Variants in NAV3 observed in about 807,000 individuals in gnomAD.
The protein encoded by NAV3 is pore membrane and/or filament interacting like protein 1.
A neutral mutation model predicts 244.7 loss-of-function variants in NAV3; 87 were observed. That is an observed-to-expected ratio of 0.36 (90% CI 0.30 to 0.42). The LOEUF is 0.42. NAV3 is among the 20% of genes least tolerant of loss of function. NAV3 has a pLI of 1.00. For synonymous variants in NAV3, 1,126 were observed against 1,042.2 expected (o/e 1.08, Z -1.55); for missense variants, 2,663 against 2,893.3 (o/e 0.92, Z 1.83).
rs572971273 is a variant in NAV3 at position 77,644,288 on chromosome 12, G to A, written c.72+72022G>A. On this transcript the variant is annotated intron_variant, in intron 2 of 8. Transcript: ENST00000550042. ...AGAAGATTTCTTTATGTCCCCTCAT[G>A]TGGTATCTAAGGTGGCAAGAGGAAG... Among the ~76,000 whole-genome samples the A allele has an allele frequency of 3.3e-5, 5 of 152,208 alleles. No individual in the cohort carries two copies. The South Asian group carries it at 1.0e-3, about 32-fold the overall frequency.
At chr12:77,860,082 G>A (rs1033829718) in intron 1 of NAV3, among the ~76,000 whole-genome samples, 13 of 151,878 alleles carry the variant, frequency 8.6e-5, no homozygotes, top group African/African-American at 3.1e-4. Flanking sequence ...AAAAAGCAAA[G>A]GGAAGAATAT....
intron 3 of NAV3, among the ~76,000 whole-genome samples, chr12:77,944,126 G>T (rs1397133133): frequency 6.6e-6 from 1 of 152,244 alleles, no homozygotes; most frequent in Non-Finnish European, 1.5e-5. Context: ...GAGTAAGTTT[G>T]GTGCATTCCA....
At position 78,092,751 on chromosome 12, in the gene NAV3, T is replaced by C. The variant is rs146828506; in HGVS notation, c.2637-24021T>C. On this transcript the variant is annotated intron_variant, in intron 12 of 39. Transcript: ENST00000397909. ...TCCTGACCTTGTGATCTGCCAGCCT[T>C]GGCCTCCCAAAGTGCTGGGATTACA... Among the ~76,000 whole-genome samples the C allele has an allele frequency of 3.5e-3, 538 of 152,094 alleles. 5 individuals carry two copies. Among genetic ancestry groups the C allele is most frequent in the African/African-American group, 0.012 (507 of 41,496 alleles).
At chr12:78,022,312 G>GA (rs754954538) in intron 9 of NAV3, among the ~76,000 whole-genome samples, 211 of 151,902 alleles carry the variant, frequency 1.4e-3, no homozygotes, top group Admixed American at 5.1e-3. Context: ...GATGATGTAA[G>GA]AAAAAAAATA....
chr12:78,144,443 C>T (rs1337697113), intron 20 of NAV3, among the ~76,000 whole-genome samples: 2 of 152,000 alleles, frequency 1.3e-5, no homozygotes, highest in African/African-American at 2.4e-5. Flanking sequence ...ATTAATCCCA[C>T]ACCTAAGCTA....
At chr12:77,588,325 C>T (rs698152) in intron 2 of NAV3, among the ~76,000 whole-genome samples, 73 of 151,764 alleles carry the variant, frequency 4.8e-4, no homozygotes, top group Non-Finnish European at 9.0e-4. Context: ...CACTACGTTG[C>T]CCAGGCTGGT....
Position 78,212,746 on chromosome 12 carries a change from C to T in NAV3, c.*2229C>T, listed in dbSNP as rs1960979239. ...AGTTTGTGAAACATTTGTCTGTATA[C>T]ATTTTATATTTTGTACATTTTGATG... is the stretch of plus-strand genomic sequence containing the variant. On this transcript the variant is annotated 3_prime_UTR_variant, in exon 40 of 40. Transcript: ENST00000397909. The T allele has an allele frequency of 6.6e-6, 1 of 152,590 alleles. No individual in the cohort carries two copies. The highest frequency in any genetic ancestry group is 1.5e-5 in the Non-Finnish European group (1 of 68,018). 9.5% of individuals were successfully genotyped at this position (152,590 alleles called of 1,614,324 possible). A position where few individuals can be genotyped will look rare whatever the true frequency, so the allele number is the denominator to read the frequency against.
At chr12:77,783,508 G>A (rs567272692) in intron 2 of NAV3, 1 of 152,368 alleles carries the variant, frequency 6.6e-6, no homozygotes, top group East Asian at 1.9e-4. Context: ...GAACCTCCAA[G>A]GAACTAACAT....
intron 2 of NAV3, among the ~76,000 whole-genome samples, chr12:77,725,122 G>A (rs748577930): frequency 2.0e-4 from 31 of 151,878 alleles, no homozygotes; most frequent in Non-Finnish European, 3.5e-4. Context: ...AGGCGATACT[G>A]GTATTAAACT....
chr12:78,181,992 T>C (rs1466636013), intron 30 of NAV3, among the ~76,000 whole-genome samples: 2 of 152,050 alleles, frequency 1.3e-5, no homozygotes, highest in East Asian at 1.9e-4. Flanking sequence ...CTTCATCTTA[T>C]ATGTAAAAGA....
At chr12:77,969,142 ATGTGTGTGTGTGTG>A (rs3078729) in intron 5 of NAV3, among the ~76,000 whole-genome samples, 3 of 147,688 alleles carry the variant, frequency 2.0e-5, no homozygotes, top group African/African-American at 2.5e-5. Flanking sequence ...AGTGTTTTTG[ATGTGTGTGTGTGTG>A]TGTGTGTGTG....
intron 2 of NAV3, among the ~76,000 whole-genome samples, chr12:77,809,860 C>T (rs1447489314): frequency 1.3e-5 from 2 of 152,044 alleles, no homozygotes; most frequent in Non-Finnish European, 2.9e-5. Context: ...TCAGTTTGAC[C>T]TTAGTGTTTG....
chr12:77,949,083 C>G (rs1049917661), intron 3 of NAV3, among the ~76,000 whole-genome samples: 1 of 151,962 alleles, frequency 6.6e-6, no homozygotes, highest in South Asian at 2.1e-4. Context: ...AATATATTGA[C>G]ATTCCTTGTT....
chr12:78,049,928 G>T (rs1882480883), intron 9 of NAV3, 65 bp from the exon 10 acceptor site: 19 of 1,013,260 alleles, frequency 1.9e-5, no homozygotes, highest in Non-Finnish European at 2.7e-5. Flanking sequence ...TAATTATCTA[G>T]GTATACAATT....
chr12:77,870,095 G>T (rs1031831452), intron 1 of NAV3, among the ~76,000 whole-genome samples: 4 of 152,032 alleles, frequency 2.6e-5, no homozygotes, highest in Non-Finnish European at 5.9e-5. Flanking sequence ...AGCCGGGCGC[G>T]GTGGCTCACT....
At chr12:77,823,296 C>G (rs76963305) in intron 2 of NAV3, among the ~76,000 whole-genome samples, 108 of 151,950 alleles carry the variant, frequency 7.1e-4, no homozygotes, top group African/African-American at 2.5e-3. Flanking sequence ...GATAGATAAA[C>G]AGACAGAGAG....
intron 8 of NAV3, among the ~76,000 whole-genome samples, chr12:78,014,396 G>C (rs1875827499): frequency 6.6e-6 from 1 of 152,124 alleles, no homozygotes; most frequent in Admixed American, 6.6e-5. Flanking sequence ...TTCATAAGGA[G>C]AAAAGTATCA....
intron 5 of NAV3, among the ~76,000 whole-genome samples, chr12:77,969,857 C>G (rs987331306): frequency 2.0e-5 from 3 of 152,048 alleles, no homozygotes; most frequent in African/African-American, 7.2e-5. Context: ...AACAAAAGAA[C>G]TTTCTTTCAA....
In NAV3 at chr12:77,709,487, A is replaced by C. The variant is rs552155195; in HGVS notation, c.72+137221A>C. ...AGACTTGTAGTAGAGTAAAAGGAAA[A>C]CATTCTGTAAATAAATTTAATAAAC... is the stretch of plus-strand genomic sequence containing the variant. On this transcript the variant is annotated intron_variant, in intron 2 of 8. Transcript: ENST00000550042. 9.8e-5 allele frequency among the ~76,000 whole-genome samples: 15 copies of C among 152,310 alleles called. No individual in the cohort carries two copies. The South Asian group carries it at 3.1e-3, about 32-fold the overall frequency.
Sources: gnomAD v4.1 joint callset for allele counts (sites outside exome capture counted in the v4.1 genomes callset) on GRCh38, gnomAD v4.1.1 for gene constraint, MANE v1.5 for transcripts, NCBI Gene and HGNC (gene_info 2026-07-23, HGNC 2026-07-21) for gene names.